The following PKP4 variants were observed in gnomAD, a reference collection of about 807,000 sequenced individuals.
PKP4 encodes the protein plakophilin 4.
In PKP4, 90 loss-of-function variants were observed where a neutral mutation model predicts 145.1. The observed-to-expected ratio is 0.62, with a 90% CI of 0.52 to 0.74. PKP4 has a LOEUF of 0.74. PKP4 is among the 30% of genes least tolerant of loss of function. PKP4 has a pLI of 0.00. For missense variants in PKP4, 1,340 were observed against 1,482.7 expected (o/e 0.90, Z 1.58); for synonymous variants, 563 against 577.2 (o/e 0.98, Z 0.35).
chr2:158,631,996 G>A (rs568503619), intron 8 of PKP4, 55 bp downstream of exon 8: 85 of 1,508,416 alleles, frequency 5.6e-5, no homozygotes, highest in East Asian at 1.4e-4. Context: ...CACAGTAGAA[G>A]TGTTTTATTG....
intron 1 of PKP4, among the ~76,000 whole-genome samples, chr2:158,465,794 T>C (rs1690513708): frequency 6.6e-6 from 1 of 152,218 alleles, no homozygotes; most frequent in Non-Finnish European, 1.5e-5. Context: ...GCAGTAAGTC[T>C]GTTTAAAAAA....
intron 1 of PKP4, among the ~76,000 whole-genome samples, chr2:158,529,858 C>G (rs535342569): frequency 6.6e-6 from 1 of 152,216 alleles, no homozygotes; most frequent in Non-Finnish European, 1.5e-5. Context: ...TTATCTCCCT[C>G]TGCCAAATTC....
intron 12 of PKP4, chr2:158,659,896 T>C (rs915580569): frequency 1.3e-5 from 2 of 152,118 alleles, no homozygotes; most frequent in African/African-American, 4.8e-5. Flanking sequence ...CTGGCTGCAG[T>C]GTGGAGGAGT....
intron 1 of PKP4, among the ~76,000 whole-genome samples, chr2:158,460,510 A>G (rs1338129392): frequency 6.6e-6 from 1 of 152,212 alleles, no homozygotes. Flanking sequence ...ATCAATTTAA[A>G]TAATATTCAT....
chr2:158,596,387 GA>G (rs1266156623), intron 3 of PKP4, among the ~76,000 whole-genome samples: 4 of 152,064 alleles, frequency 2.6e-5, no homozygotes, highest in Non-Finnish European at 5.9e-5. Context: ...CTTAGGATCA[GA>G]GCTCAAAATG....
At chr2:158,645,565 C>G (rs2528578) in intron 11 of PKP4, among the ~76,000 whole-genome samples, 117,350 of 152,100 alleles carry the variant, frequency 0.77, 48,340 homozygotes, top group East Asian at 0.97. Context: ...GGCTGCAGTC[C>G]ATCGTGTGCG....
intron 1 of PKP4, among the ~76,000 whole-genome samples, chr2:158,484,193 G>A (rs1015004574): frequency 1.3e-5 from 2 of 151,900 alleles, no homozygotes; most frequent in East Asian, 1.9e-4. Flanking sequence ...GACTACAGGC[G>A]CCCGCCACCG....
intron 3 of PKP4, among the ~76,000 whole-genome samples, chr2:158,592,666 T>C (rs1331241235): frequency 1.3e-5 from 2 of 152,166 alleles, no homozygotes; most frequent in Non-Finnish European, 2.9e-5. Flanking sequence ...TATCATTCTT[T>C]AGACACACAC....
At chr2:158,558,499 A>G (rs1026277259) in intron 2 of PKP4, among the ~76,000 whole-genome samples, 1 of 152,174 alleles carries the variant, frequency 6.6e-6, no homozygotes, top group Admixed American at 6.5e-5. Context: ...TGAAGGATGC[A>G]GAAAGGTCAG....
chr2:158,670,039 T>C lies in PKP4; in HGVS notation c.2924+124T>C, dbSNP rs1209617723. On this transcript the variant is annotated intron_variant, in intron 17 of 21. Coordinates refer to ENST00000389759, the MANE Select transcript of PKP4 (RefSeq NM_003628.6). ...TATTTTTGCATTTCTTACATGCCGA[T>C]AAGCTAAGCAGTCTCCAGCACTTAC... 10 of 745,982 alleles carry C rather than the reference T, an allele frequency of 1.3e-5. No homozygotes were observed. In the East Asian group the frequency reaches 1.6e-4, roughly 12 times the overall value. The allele number at this position is 745,982 out of a possible 1,614,324, so 46.2% of individuals were successfully genotyped here.
intron 1 of PKP4, among the ~76,000 whole-genome samples, chr2:158,478,618 G>A (rs1692876732): frequency 6.6e-6 from 1 of 152,160 alleles, no homozygotes; most frequent in South Asian, 2.1e-4. Context: ...AATTCATTGT[G>A]ATAAAGCACA....
intron 1 of PKP4, among the ~76,000 whole-genome samples, chr2:158,502,900 G>T (rs6709022): frequency 0.91 from 138,029 of 152,298 alleles, 62,643 homozygotes; most frequent in East Asian, 0.98. Flanking sequence ...AATAAACTTT[G>T]GACACAAATC....
intron 6 of PKP4, among the ~76,000 whole-genome samples, 189 bp downstream of exon 6, chr2:158,621,610 G>T (rs1333314211): frequency 1.3e-5 from 2 of 152,116 alleles, no homozygotes; most frequent in African/African-American, 2.4e-5. Flanking sequence ...GCCGGGCGTG[G>T]TGGCGGGCGC....
At chr2:158,484,027 T>C (rs1693766549) in intron 1 of PKP4, among the ~76,000 whole-genome samples, 1 of 125,184 alleles carries the variant, frequency 8.0e-6, no homozygotes, top group Non-Finnish European at 1.6e-5. Flanking sequence ...ACATTTTTTC[T>C]TTTTCTTTTT....
intron 11 of PKP4, among the ~76,000 whole-genome samples, chr2:158,649,204 T>G (rs2055114978): frequency 6.6e-6 from 1 of 152,156 alleles, no homozygotes. Context: ...ACCCCTGTTA[T>G]TACAGATTAG....
At chr2:158,542,507 G>A (rs964665075) in intron 2 of PKP4, among the ~76,000 whole-genome samples, 6 of 152,126 alleles carry the variant, frequency 3.9e-5, no homozygotes, top group African/African-American at 1.2e-4. Context: ...CTGGGCAAAT[G>A]TGTTTTACTG....
In PKP4 at chr2:158,514,630, A is replaced by G. The variant is rs575583563; in HGVS notation, c.-5-18550A>G. On this transcript the variant is annotated intron_variant, in intron 1 of 21. Coordinates refer to ENST00000389759, the MANE Select transcript of PKP4 (RefSeq NM_003628.6). ...CAAGAGGTTTTTTTTCTTTTACTCT[A>G]AAGAGCTACTTTAAAAAATTGCAAA... 3.3e-5 allele frequency among the ~76,000 whole-genome samples: 5 copies of G among 152,338 alleles called. No homozygotes were observed. In the South Asian group the frequency reaches 8.3e-4, roughly 25 times the overall value.
rs547106320 is a variant in PKP4 at position 158,583,997 on chromosome 2, A to G, written c.245+6614A>G. Among the ~76,000 whole-genome samples the G allele has an allele frequency of 5.3e-5, 8 of 152,290 alleles. No individual in the cohort carries two copies. In the South Asian group the frequency reaches 1.7e-3, roughly 32 times the overall value. Reference sequence around the variant, plus strand: ...ACAAATGGTTTAGCGCCAGGTTCCCAACAAGCGTTACATGACGGGTAAGGG... The same window carrying G: ...ACAAATGGTTTAGCGCCAGGTTCCCGACAAGCGTTACATGACGGGTAAGGG... On this transcript the variant is annotated intron_variant, in intron 3 of 21. Coordinates refer to ENST00000389759, the MANE Select transcript of PKP4 (RefSeq NM_003628.6).
At chr2:158,640,577 A>G (rs370177702) in intron 9 of PKP4, 50 bp from the exon 10 acceptor site, 8 of 1,590,636 alleles carry the variant, frequency 5.0e-6, no homozygotes, top group Non-Finnish European at 6.8e-6. Flanking sequence ...TTTTCAGTGT[A>G]TTTTTACAAC....
Sources: gnomAD v4.1 joint callset for allele counts (sites outside exome capture counted in the v4.1 genomes callset) on GRCh38, gnomAD v4.1.1 for gene constraint, MANE v1.5 for transcripts, NCBI Gene and HGNC (gene_info 2026-07-23, HGNC 2026-07-21) for gene names.